The following CCSER1 variants were observed in gnomAD, a reference collection of about 807,000 sequenced individuals.
CCSER1 encodes the protein serine-rich coiled-coil domain-containing protein 1.
CCSER1 carries 41 observed loss-of-function variants against 82.0 expected under a neutral mutation model. That is an observed-to-expected ratio of 0.50 (90% confidence interval 0.39 to 0.65). The LOEUF is 0.65. Ranked by LOEUF, CCSER1 falls within the 30% of genes least tolerant of loss-of-function variation. The probability of loss-of-function intolerance (pLI) is 0.00; values close to 1 mark genes in which losing one functional copy is unlikely to be tolerated. For synonymous variants in CCSER1, 414 were observed against 383.9 expected (o/e 1.08, Z -0.92); for missense variants, 1,119 against 1,064.2 (o/e 1.05, Z -0.72).
intron 4 of CCSER1, among the ~76,000 whole-genome samples, chr4:90,407,835 G>T (rs1753971966): frequency 6.6e-6 from 1 of 152,122 alleles, no homozygotes; most frequent in Admixed American, 6.5e-5. Context: ...GCAGGGTGAG[G>T]CATTACCTCA....
At chr4:90,247,407 A>T (rs377272386) in intron 1 of CCSER1, among the ~76,000 whole-genome samples, 1 of 152,176 alleles carries the variant, frequency 6.6e-6, no homozygotes, top group Non-Finnish European at 1.5e-5. Flanking sequence ...AATAATATAG[A>T]TAGAAAATAT....
chr4:90,584,352 G>A (rs1401732389), intron 5 of CCSER1, among the ~76,000 whole-genome samples: 1 of 152,164 alleles, frequency 6.6e-6, no homozygotes, highest in Non-Finnish European at 1.5e-5. Flanking sequence ...AAGAATGAAG[G>A]TGGCTTCTAG....
chr4:90,363,962 CT>C (rs935595992), intron 3 of CCSER1, among the ~76,000 whole-genome samples: 1 of 151,838 alleles, frequency 6.6e-6, no homozygotes, highest in African/African-American at 2.4e-5. Context: ...ACAACTTTGC[CT>C]TTTTAGCTTT....
chr4:91,461,619 C>A (rs1026355253), intron 10 of CCSER1, among the ~76,000 whole-genome samples: 1 of 152,090 alleles, frequency 6.6e-6, no homozygotes, highest in African/African-American at 2.4e-5. Flanking sequence ...GTATGGATTT[C>A]GGTGGAGCTC....
At chr4:90,789,009 C>T (rs200666556) in intron 7 of CCSER1, among the ~76,000 whole-genome samples, 2 of 36,722 alleles carry the variant, frequency 5.4e-5, no homozygotes, top group African/African-American at 2.8e-4. Context: ...CTAACACATA[C>T]ACACACACAC....
At chr4:90,810,004 G>A (rs1020869135) in intron 7 of CCSER1, among the ~76,000 whole-genome samples, 3 of 152,206 alleles carry the variant, frequency 2.0e-5, no homozygotes, top group Non-Finnish European at 4.4e-5. Flanking sequence ...TCCTTTAGAT[G>A]TTTTTGGTTG....
At chr4:90,498,734 C>T (rs1447775488) in intron 5 of CCSER1, among the ~76,000 whole-genome samples, 4 of 152,006 alleles carry the variant, frequency 2.6e-5, no homozygotes, top group Admixed American at 6.6e-5. Flanking sequence ...TTTTCCATGC[C>T]TCATATTCTT....
intron 7 of CCSER1, chr4:90,781,468 A>C: frequency 1.0e-6 from 1 of 985,236 alleles, no homozygotes; most frequent in East Asian, 1.1e-4. Context: ...GAAATGATGG[A>C]CATAAAGCCC....
intron 7 of CCSER1, among the ~76,000 whole-genome samples, chr4:90,732,056 T>TCTCTCTCTCTCTCTCTCTCTCTCA (rs761678318): frequency 6.2e-4 from 90 of 144,772 alleles, no homozygotes; most frequent in South Asian, 2.9e-3. Context: ...TCTCTCTCTC[T>TCTCTCTCTCTCTCTCTCTCTCTCA]CTCTCACTGC....
intron 10 of CCSER1, among the ~76,000 whole-genome samples, chr4:91,257,358 AT>A (rs564005187): frequency 2.6e-5 from 4 of 151,884 alleles, no homozygotes; most frequent in Non-Finnish European, 5.9e-5. Flanking sequence ...ATTAATCCTA[AT>A]TTTTTTTAAT....
intron 1 of CCSER1, among the ~76,000 whole-genome samples, chr4:90,256,439 G>A (rs1723297600): frequency 6.6e-6 from 1 of 152,110 alleles, no homozygotes; most frequent in African/African-American, 2.4e-5. Flanking sequence ...GAAACTAACT[G>A]TGCTTTTGGC....
chr4:91,145,995 C>T (rs1729496139), intron 10 of CCSER1, among the ~76,000 whole-genome samples: 1 of 152,106 alleles, frequency 6.6e-6, no homozygotes, highest in Non-Finnish European at 1.5e-5. Flanking sequence ...TGCATGCTAT[C>T]CTCTCTAGAA....
chr4:90,310,631 A>AT (rs1375167205), intron 2 of CCSER1, among the ~76,000 whole-genome samples: 17 of 152,138 alleles, frequency 1.1e-4, no homozygotes, highest in Non-Finnish European at 2.1e-4. Flanking sequence ...GTAGGCTCCT[A>AT]TGTTTCCCAT....
intron 3 of CCSER1, among the ~76,000 whole-genome samples, chr4:90,372,134 C>G (rs1578159238): frequency 6.6e-6 from 1 of 151,896 alleles, no homozygotes; most frequent in East Asian, 1.9e-4. Flanking sequence ...ACTGGGGGAC[C>G]TAGTTTCTGC....
At chr4:90,495,128 T>C (rs573445315) in intron 5 of CCSER1, among the ~76,000 whole-genome samples, 88 of 152,324 alleles carry the variant, frequency 5.8e-4, no homozygotes, top group African/African-American at 2.0e-3. Context: ...GTCTATTTTT[T>C]CCCTGTAACA....
At chr4:91,467,555 T>A (rs1450806515) in intron 10 of CCSER1, among the ~76,000 whole-genome samples, 1 of 151,830 alleles carries the variant, frequency 6.6e-6, no homozygotes, top group Non-Finnish European at 1.5e-5. Context: ...ACCATCAGAG[T>A]GAACAGGCAA....
intron 3 of CCSER1, among the ~76,000 whole-genome samples, chr4:90,352,347 C>A (rs948644451): frequency 6.8e-6 from 1 of 148,136 alleles, no homozygotes; most frequent in African/African-American, 2.6e-5. Flanking sequence ...ACCAAAAAAA[C>A]AAAACAAAAC....
chr4:90,454,423 A>AT (rs1761912153), intron 4 of CCSER1, among the ~76,000 whole-genome samples: 1 of 152,012 alleles, frequency 6.6e-6, no homozygotes, highest in Non-Finnish European at 1.5e-5. Flanking sequence ...AGAGATAGAG[A>AT]GGTATGCTTT....
At chr4:91,091,943 C>G (rs963808840) in intron 10 of CCSER1, among the ~76,000 whole-genome samples, 3 of 152,194 alleles carry the variant, frequency 2.0e-5, no homozygotes, top group Non-Finnish European at 4.4e-5. Context: ...GTAACTGTCT[C>G]TGCAATTCAA....
Sources: allele counts gnomAD v4.1 joint callset (sites outside exome capture counted in the v4.1 genomes callset), GRCh38; gene constraint gnomAD v4.1.1; transcripts MANE v1.5; gene names NCBI Gene and HGNC (gene_info 2026-07-23, HGNC 2026-07-21).